Variants in FARS2 observed in about 807,000 individuals in gnomAD.
FARS2 encodes the protein phenylalanine--tRNA ligase, mitochondrial.
A neutral mutation model predicts 46.4 loss-of-function variants in FARS2; 40 were observed. That is an observed-to-expected ratio of 0.86 (90% CI 0.67 to 1.12). FARS2 has a LOEUF of 1.12. FARS2 is among the 50% of genes most tolerant of loss of function. FARS2 has a pLI of 0.00. For synonymous variants in FARS2, 234 were observed against 214.9 expected (o/e 1.09, Z -0.78); for missense variants, 513 against 567.9 (o/e 0.90, Z 0.98).
At chr6:5,296,855 G>A (rs1017446698) in intron 1 of FARS2, among the ~76,000 whole-genome samples, 7 of 152,098 alleles carry the variant, frequency 4.6e-5, no homozygotes, top group South Asian at 4.1e-4. Context: ...TCTACCTTTC[G>A]GCTATTATGA....
intron 6 of FARS2, among the ~76,000 whole-genome samples, chr6:5,633,485 A>G (rs1215726447): frequency 6.6e-6 from 1 of 152,016 alleles, no homozygotes; most frequent in Non-Finnish European, 1.5e-5. Context: ...CATGTGGGCC[A>G]GGCTGGTCTT....
At chr6:5,250,325 C>T in the FARS2 span, among the ~76,000 whole-genome samples, 10 of 152,082 alleles carry the variant, frequency 6.6e-5, no homozygotes, top group Non-Finnish European at 1.3e-4. Context: ...AGCAATGACA[C>T]GCAGATCTAA....
intron 6 of FARS2, among the ~76,000 whole-genome samples, chr6:5,725,065 TTCTG>T (rs1760160366): frequency 6.6e-6 from 1 of 152,250 alleles, no homozygotes; most frequent in Non-Finnish European, 1.5e-5. Context: ...CAGCTATGTC[TTCTG>T]TCTAAGGGAA....
intron 5 of FARS2, chr6:5,609,299 G>T (rs1462972029): frequency 3.7e-6 from 4 of 1,093,744 alleles, no homozygotes; most frequent in Non-Finnish European, 5.6e-6. Context: ...TTCATGGTTT[G>T]GCAAAGTATT....
intron 6 of FARS2, among the ~76,000 whole-genome samples, chr6:5,615,151 T>G (rs995207449): frequency 6.6e-6 from 1 of 152,232 alleles, no homozygotes; most frequent in Non-Finnish European, 1.5e-5. Context: ...TCTTATTTAT[T>G]TTAGGAAAAT....
intron 6 of FARS2, among the ~76,000 whole-genome samples, chr6:5,766,764 TTGTAAAATATGTCA>T (rs1396291106): frequency 6.6e-6 from 1 of 152,150 alleles, no homozygotes; most frequent in Non-Finnish European, 1.5e-5. Flanking sequence ...CTCTATCTAG[TTGTAAAATATGTCA>T]TTACCCCAAA....
chr6:5,515,627 C>T (rs552962511), intron 4 of FARS2, among the ~76,000 whole-genome samples: 4 of 152,114 alleles, frequency 2.6e-5, no homozygotes, highest in Admixed American at 2.6e-4. Flanking sequence ...GGGGGTTTTG[C>T]CATGTTGGCC....
At chr6:5,464,182 A>C (rs1161121190) in intron 4 of FARS2, among the ~76,000 whole-genome samples, 1 of 152,224 alleles carries the variant, frequency 6.6e-6, no homozygotes, top group Non-Finnish European at 1.5e-5. Flanking sequence ...AGTCCCTGTT[A>C]AGGGGCCAGC....
At chr6:5,373,234 A>G (rs996853713) in intron 2 of FARS2, among the ~76,000 whole-genome samples, 4 of 152,140 alleles carry the variant, frequency 2.6e-5, no homozygotes, top group African/African-American at 9.7e-5. Flanking sequence ...TCAAAGTACC[A>G]GTATCACTGT....
chr6:5,315,389 C>T (rs1769392596), intron 1 of FARS2, among the ~76,000 whole-genome samples: 1 of 152,328 alleles, frequency 6.6e-6, no homozygotes, highest in Non-Finnish European at 1.5e-5. Context: ...AAGAACTCCA[C>T]AGTGAAATCC....
intron 5 of FARS2, among the ~76,000 whole-genome samples, chr6:5,587,046 T>A (rs1330497960): frequency 6.6e-6 from 1 of 152,208 alleles, no homozygotes; most frequent in Non-Finnish European, 1.5e-5. Flanking sequence ...TTATAAAAAC[T>A]GTAGCAGTAT....
rs1330041647 is a variant in FARS2, at chr6:5,477,285, C to T, written c.904+46113C>T. Among the ~76,000 whole-genome samples, 4 of 152,214 alleles carry T rather than the reference C, an allele frequency of 2.6e-5. No homozygotes were observed. The East Asian group carries it at 5.8e-4, about 22-fold the overall frequency. ...TAGATGGTCAGAGATTAGCCAGGAA[C>T]TAGTTTCTGAGCAGTGTCTCAGCTC... is the stretch of plus-strand genomic sequence containing the variant. On this transcript the variant is annotated intron_variant, in intron 4 of 6. Coordinates refer to ENST00000274680, the MANE Select transcript of FARS2 (RefSeq NM_006567.5).
At chr6:5,327,546 C>T (rs1770483084) in intron 1 of FARS2, among the ~76,000 whole-genome samples, 1 of 152,184 alleles carries the variant, frequency 6.6e-6, no homozygotes, top group Admixed American at 6.5e-5. Flanking sequence ...CCCCTGCACA[C>T]ACTCTCTTGC....
chr6:5,732,292 G>A (rs923530791), intron 6 of FARS2, among the ~76,000 whole-genome samples: 8 of 152,110 alleles, frequency 5.3e-5, no homozygotes, highest in Non-Finnish European at 7.4e-5. Context: ...GTGATATGGC[G>A]GTGCACACTC....
At chr6:5,294,974 C>T (rs1767755371) in intron 1 of FARS2, among the ~76,000 whole-genome samples, 1 of 152,168 alleles carries the variant, frequency 6.6e-6, no homozygotes, top group South Asian at 2.1e-4. Context: ...GGCAGGAGGT[C>T]AGAGGCCTGC....
chr6:5,564,453 C>T (rs939346653), intron 5 of FARS2, among the ~76,000 whole-genome samples: 5 of 152,042 alleles, frequency 3.3e-5, no homozygotes, highest in Admixed American at 6.6e-5. Context: ...CGGAAGATCA[C>T]CACTTGATTC....
intron 5 of FARS2, among the ~76,000 whole-genome samples, chr6:5,548,133 A>G (rs1053940386): frequency 3.3e-5 from 5 of 152,196 alleles, no homozygotes; most frequent in African/African-American, 4.8e-5. Flanking sequence ...GTGAGACTTA[A>G]TCACTATCAC....
At chr6:5,711,621 C>G (rs1428881052) in intron 6 of FARS2, among the ~76,000 whole-genome samples, 2 of 152,168 alleles carry the variant, frequency 1.3e-5, no homozygotes, top group Admixed American at 1.3e-4. Flanking sequence ...AATCCCATAA[C>G]CCCGGTCTAA....
At chr6:5,540,056 G>A (rs1312171694) in intron 4 of FARS2, among the ~76,000 whole-genome samples, 4 of 152,250 alleles carry the variant, frequency 2.6e-5, no homozygotes, top group East Asian at 1.9e-4. Flanking sequence ...AAGTTCGTTC[G>A]CCCTTTACCT....
Sources: allele counts gnomAD v4.1 joint callset (sites outside exome capture counted in the v4.1 genomes callset), GRCh38; gene constraint gnomAD v4.1.1; transcripts MANE v1.5; gene names NCBI Gene and HGNC (gene_info 2026-07-23, HGNC 2026-07-21).